Variants in ATP8A2 observed in about 807,000 individuals in gnomAD.
ATP8A2 encodes ATPase phospholipid transporting 8A2.
In ATP8A2, 100 loss-of-function variants were observed where a neutral mutation model predicts 165.6. The observed-to-expected ratio is 0.60, with a 90% confidence interval of 0.51 to 0.71. ATP8A2 has a LOEUF of 0.71. ATP8A2 is among the 30% of genes least tolerant of loss of function. The probability of loss-of-function intolerance (pLI) is 0.00; values close to 1 mark genes in which losing one functional copy is unlikely to be tolerated. For missense variants in ATP8A2, 1,227 were observed against 1,479.5 expected, an observed-to-expected ratio of 0.83 and a Z score of 2.80; for synonymous variants, 543 against 548.8, an observed-to-expected ratio of 0.99 and a Z score of 0.15.
intron 24 of ATP8A2, among the ~76,000 whole-genome samples, chr13:25,682,599 G>A (rs547348318): frequency 1.7e-4 from 26 of 152,182 alleles, no homozygotes; most frequent in African/African-American, 3.4e-4. Flanking sequence ...CCAGAAAGCC[G>A]TTATTTGCTG....
intron 4 of ATP8A2, among the ~76,000 whole-genome samples, chr13:25,531,260 A>G (rs913993495): frequency 1.1e-5 from 1 of 87,258 alleles, no homozygotes; most frequent in African/African-American, 4.9e-5. Flanking sequence ...TATGATATAT[A>G]TGATATATAT....
chr13:25,525,874 A>AT (rs2037826169), intron 2 of ATP8A2, among the ~76,000 whole-genome samples: 2 of 151,866 alleles, frequency 1.3e-5, no homozygotes, highest in Non-Finnish European at 2.9e-5. Context: ...GTTTTCTGTT[A>AT]TTTTTTTGAG....
chr13:25,513,840 G>A (rs34714895), intron 2 of ATP8A2, among the ~76,000 whole-genome samples: 43,406 of 152,162 alleles, frequency 0.29, 7,080 homozygotes, highest in Middle Eastern at 0.4. Flanking sequence ...GCCTGCAATC[G>A]CAGGCACTTG....
At chr13:25,995,805 G>A (rs1453388903) in intron 35 of ATP8A2, among the ~76,000 whole-genome samples, 3 of 152,058 alleles carry the variant, frequency 2.0e-5, no homozygotes, top group Non-Finnish European at 1.5e-5. Context: ...GGTTGATGGC[G>A]TTTGGCAGTT....
At chr13:25,700,435 T>A (rs1046930844) in intron 25 of ATP8A2, among the ~76,000 whole-genome samples, 3 of 152,168 alleles carry the variant, frequency 2.0e-5, no homozygotes, top group Admixed American at 6.5e-5. Context: ...CCTGCACGCC[T>A]TCACCCCCAT....
At chr13:25,479,329 T>C (rs2137569905) in intron 2 of ATP8A2, among the ~76,000 whole-genome samples, 1 of 152,350 alleles carries the variant, frequency 6.6e-6, no homozygotes, top group East Asian at 1.9e-4. Flanking sequence ...TTTGGCCGAT[T>C]TGTCAGATTT....
chr13:25,744,327 C>G (rs1173369805), intron 25 of ATP8A2, among the ~76,000 whole-genome samples: 1 of 152,018 alleles, frequency 6.6e-6, no homozygotes, highest in East Asian at 1.9e-4. Flanking sequence ...CACTCACCAC[C>G]CCCCCGTGTG....
At chr13:25,441,324 T>A (rs2034925963) in intron 1 of ATP8A2, among the ~76,000 whole-genome samples, 1 of 152,240 alleles carries the variant, frequency 6.6e-6, no homozygotes, top group Non-Finnish European at 1.5e-5. Flanking sequence ...GAGAAAACTC[T>A]AAAGCACTGT....
chr13:25,461,843 G>A lies in ATP8A2; in HGVS notation c.77-7134G>A, dbSNP rs1010562138. Among the ~76,000 whole-genome samples, 620 of 143,856 alleles carry A rather than the reference G, an allele frequency of 4.3e-3. 3 individuals carry two copies. The highest frequency in any genetic ancestry group is 0.013 in the African/African-American group (492 of 38,820). The allele number at this position is 143,856 out of a possible 152,430, so 94.4% of individuals were successfully genotyped here. ...AAGATGTGTGAGGAAGAAGAAGAAG[G>A]AGAAGAAGAAGGAGGAGGAGGAGGA... On this transcript the variant is annotated intron_variant, in intron 1 of 36. Coordinates refer to ENST00000381655, the MANE Select transcript of ATP8A2 (RefSeq NM_016529.6).
intron 6 of ATP8A2, 59 bp downstream of exon 6, chr13:25,533,372 G>T: frequency 3.1e-6 from 3 of 963,052 alleles, no homozygotes; most frequent in Non-Finnish European, 4.9e-6. Context: ...GTAATGAATT[G>T]CTGGTCTTGA....
intron 13 of ATP8A2, 48 bp downstream of exon 13, chr13:25,555,116 G>A: frequency 7.6e-7 from 1 of 1,322,322 alleles, no homozygotes; most frequent in Non-Finnish European, 1.1e-6. Context: ...GAGCATGAGG[G>A]AAAATGAGTG....
At chr13:25,985,045 G>A (rs902280958) in intron 35 of ATP8A2, among the ~76,000 whole-genome samples, 3 of 152,220 alleles carry the variant, frequency 2.0e-5, no homozygotes, top group Non-Finnish European at 4.4e-5. Context: ...TTACACGTAA[G>A]AACGAAGGAA....
At chr13:25,428,071 C>G (rs1218315079) in intron 1 of ATP8A2, among the ~76,000 whole-genome samples, 1 of 152,038 alleles carries the variant, frequency 6.6e-6, no homozygotes, top group African/African-American at 2.4e-5. Flanking sequence ...GTAGTCCCAG[C>G]TACTCAGCAG....
chr13:25,974,655 G>A (rs923049880), intron 35 of ATP8A2, among the ~76,000 whole-genome samples: 1 of 152,070 alleles, frequency 6.6e-6, no homozygotes, highest in South Asian at 2.1e-4. Flanking sequence ...TGTCTGTAAC[G>A]TCTATGCCGG....
intron 24 of ATP8A2, among the ~76,000 whole-genome samples, chr13:25,602,064 T>C (rs111340835): frequency 0.018 from 2,678 of 152,326 alleles, 85 homozygotes; most frequent in African/African-American, 0.06. Context: ...TTGGTAAGAT[T>C]ACTTTGTAAT....
chr13:26,019,404 T>C (rs1172537841), intron 36 of ATP8A2, among the ~76,000 whole-genome samples: 4 of 152,156 alleles, frequency 2.6e-5, no homozygotes, highest in East Asian at 3.9e-4. Context: ...CTCAAATAAA[T>C]AAACAGGAAG....
intron 29 of ATP8A2, among the ~76,000 whole-genome samples, chr13:25,838,535 G>A (rs542922856): frequency 8.6e-5 from 13 of 151,968 alleles, no homozygotes; most frequent in Non-Finnish European, 1.6e-4. Context: ...GAGAATGCAC[G>A]GAAACTTATC....
chr13:25,480,201 GC>G (rs2036128893), intron 2 of ATP8A2, among the ~76,000 whole-genome samples: 1 of 150,144 alleles, frequency 6.7e-6, no homozygotes, highest in Non-Finnish European at 1.5e-5. Context: ...GGACGGAGTG[GC>G]TGGCCGGGCA....
At chr13:25,417,215 C>T (rs1047982031) in intron 1 of ATP8A2, among the ~76,000 whole-genome samples, 210 of 152,026 alleles carry the variant, frequency 1.4e-3, no homozygotes, top group African/African-American at 4.9e-3. Flanking sequence ...TTAGTTTCCC[C>T]CAGTTTAGGC....
Sources: allele counts gnomAD v4.1 joint callset (sites outside exome capture counted in the v4.1 genomes callset), GRCh38; gene constraint gnomAD v4.1.1; transcripts MANE v1.5; gene names NCBI Gene and HGNC (gene_info 2026-07-23, HGNC 2026-07-21).